Variants in IQSEC1 observed in about 807,000 individuals in gnomAD.
IQSEC1 encodes the protein IQ motif and Sec7 domain ArfGEF 1.
In IQSEC1, 31 loss-of-function variants were observed where a neutral mutation model predicts 91.0. The observed-to-expected ratio is 0.34, with a 90% CI of 0.26 to 0.46. IQSEC1 has a LOEUF of 0.46. Ranked by LOEUF, IQSEC1 falls within the 20% of genes least tolerant of loss-of-function variation. IQSEC1 has a pLI of 1.00. For missense variants in IQSEC1, 1,388 were observed against 1,575.6 expected (o/e 0.88, Z 2.02); for synonymous variants, 699 against 662.6 (o/e 1.05, Z -0.84).
intron 1 of IQSEC1, among the ~76,000 whole-genome samples, chr3:13,189,844 C>T (rs776923917): frequency 1.1e-4 from 16 of 152,312 alleles, no homozygotes; most frequent in Middle Eastern, 3.4e-3. Context: ...GTGAGCTGTC[C>T]CCACACCCCA....
chr3:13,244,217 C>T (rs952715100), intron 1 of IQSEC1, among the ~76,000 whole-genome samples: 1 of 151,936 alleles, frequency 6.6e-6, no homozygotes, highest in Non-Finnish European at 1.5e-5. Context: ...TTTTGAGACA[C>T]AGTCTTGCTC....
Position 12,936,387 on chromosome 3 carries a change from T to A in IQSEC1, c.629A>T (p.Lys210Met), listed in dbSNP as rs1416100544. Residue 210 changes from lysine to methionine, a missense_variant, in exon 3 of 14, where the codon AAG becomes ATG. Lys to Met is a moderately conservative substitution (Grantham distance 95). Around this residue, in one of 2 missense-constraint regions of IQSEC1, gnomAD observed 1,059 missense variants for 1,317.8 expected, o/e 0.80. Transcript: ENST00000613206. Reference sequence around the variant, plus strand: ...AAAGTCACTGGAGGGGGCCGGAGACTTGAGGGTGGTGGGCTCGCTGAGGTC... The same window carrying A: ...AAAGTCACTGGAGGGGGCCGGAGACATGAGGGTGGTGGGCTCGCTGAGGTC... Reference protein sequence around the residue: ...CGDLSEPTTLKSPAPSSDFAD... With the variant: ...CGDLSEPTTLMSPAPSSDFAD... 4 of 1,596,430 alleles carry A rather than the reference T, an allele frequency of 2.5e-6. No homozygotes were observed. The highest frequency in any genetic ancestry group is 3.4e-6 in the Non-Finnish European group (4 of 1,168,808).
At position 12,922,415 on chromosome 3, in the gene IQSEC1, C is replaced by A. The variant is rs1034889313; in HGVS notation, c.1731-173G>T. On this transcript the variant is annotated intron_variant, in intron 4 of 13. Transcript: ENST00000613206. The surrounding 1 kb of genome is among the most constrained non-coding windows in gnomAD (Gnocchi z 5.1). ...AGCCCTCAGAATGCAGCAAAAAGAC[C>A]TCCAGTCTTCTGGGGAGCCCACAAA... is the stretch of plus-strand genomic sequence containing the variant. Among the ~76,000 whole-genome samples, 4 of 152,242 alleles carry A rather than the reference C, an allele frequency of 2.6e-5. No homozygotes were observed. The highest frequency in any genetic ancestry group is 2.0e-4 in the Admixed American group (3 of 15,288).
intron 6 of IQSEC1, among the ~76,000 whole-genome samples, chr3:12,919,354 T>C (rs1014850360): frequency 2.0e-5 from 3 of 152,190 alleles, no homozygotes; most frequent in African/African-American, 7.2e-5. Flanking sequence ...CGCCCCTTCC[T>C]GCCTCCCAAG....
At chr3:13,239,946 G>C (rs548288189) in intron 1 of IQSEC1, among the ~76,000 whole-genome samples, 45 of 152,322 alleles carry the variant, frequency 3.0e-4, no homozygotes, top group African/African-American at 1.1e-3. Flanking sequence ...TTCTGAAACA[G>C]ATGATGGTGA....
At chr3:13,215,672 C>T (rs757654978) in intron 1 of IQSEC1, among the ~76,000 whole-genome samples, 4 of 152,204 alleles carry the variant, frequency 2.6e-5, no homozygotes, top group Non-Finnish European at 5.9e-5. Flanking sequence ...GTTGATGGGG[C>T]CCAGAGAAGG....
intron 1 of IQSEC1, among the ~76,000 whole-genome samples, chr3:13,196,539 GC>G (rs1197980149): frequency 2.0e-5 from 3 of 152,322 alleles, no homozygotes; most frequent in Middle Eastern, 3.4e-3. Context: ...CAGGCTGCTT[GC>G]CCTGCACGTC....
chr3:13,274,598 G>A (rs1235449971), intron 1 of IQSEC1, among the ~76,000 whole-genome samples: 4 of 152,314 alleles, frequency 2.6e-5, no homozygotes, highest in South Asian at 4.1e-4. Context: ...CCTCCCCTGC[G>A]ACCACATGTC....
intron 2 of IQSEC1, among the ~76,000 whole-genome samples, chr3:13,099,978 AG>A (rs1413164618): frequency 2.4e-5 from 3 of 122,654 alleles, no homozygotes; most frequent in Admixed American, 2.3e-4. Flanking sequence ...AGGAGGTCGG[AG>A]GTGACGGGGA....
At chr3:13,209,230 A>G (rs1694400793) in intron 1 of IQSEC1, among the ~76,000 whole-genome samples, 1 of 152,216 alleles carries the variant, frequency 6.6e-6, no homozygotes, top group Non-Finnish European at 1.5e-5. Context: ...AAACCCTCCC[A>G]TTCCCAATTC....
At chr3:13,280,561 G>A (rs374274859) in intron 1 of IQSEC1, among the ~76,000 whole-genome samples, 1 of 152,136 alleles carries the variant, frequency 6.6e-6, no homozygotes, top group Non-Finnish European at 1.5e-5. Flanking sequence ...AATGGGTCCG[G>A]CTGCTCCATC....
intron 1 of IQSEC1, among the ~76,000 whole-genome samples, chr3:13,222,454 T>C (rs1694680123): frequency 6.6e-6 from 1 of 152,220 alleles, no homozygotes; most frequent in Admixed American, 6.5e-5. Context: ...GTTTGAGGCC[T>C]TGCTTTCAAT....
chr3:13,093,782 C>T (rs1229344129), intron 2 of IQSEC1, among the ~76,000 whole-genome samples: 1 of 152,180 alleles, frequency 6.6e-6, no homozygotes, highest in East Asian at 1.9e-4. Flanking sequence ...CCTGAACCTC[C>T]TCCCCACTGT....
At chr3:12,989,411 C>G (rs1701889106) in intron 1 of IQSEC1, among the ~76,000 whole-genome samples, 1 of 152,234 alleles carries the variant, frequency 6.6e-6, no homozygotes, top group African/African-American at 2.4e-5. Flanking sequence ...GATACTGACA[C>G]ACTTTCACAG....
chr3:13,209,635 G>A (rs1694408078), intron 1 of IQSEC1, among the ~76,000 whole-genome samples: 1 of 152,078 alleles, frequency 6.6e-6, no homozygotes, highest in South Asian at 2.1e-4. Context: ...GTGCCCTCTC[G>A]GACCACACTG....
intron 1 of IQSEC1, among the ~76,000 whole-genome samples, chr3:13,247,466 G>A (rs1338757675): frequency 6.6e-6 from 1 of 152,174 alleles, no homozygotes; most frequent in Non-Finnish European, 1.5e-5. Flanking sequence ...GCCCCCCTTG[G>A]GACAAGGACT....
At chr3:13,239,901 G>T (rs1376073077) in intron 1 of IQSEC1, among the ~76,000 whole-genome samples, 1 of 152,220 alleles carries the variant, frequency 6.6e-6, no homozygotes. Context: ...TTAGTGTTGA[G>T]TGGGGACAGG....
chr3:13,079,355 C>T (rs947379753), intron 2 of IQSEC1, among the ~76,000 whole-genome samples: 1 of 152,238 alleles, frequency 6.6e-6, no homozygotes, highest in African/African-American at 2.4e-5. Flanking sequence ...ACAAGGTGAG[C>T]CAAGGCCCCA....
At chr3:13,099,335 A>C (rs360749) in intron 2 of IQSEC1, among the ~76,000 whole-genome samples, 79,138 of 152,122 alleles carry the variant, frequency 0.52, 21,759 homozygotes, top group African/African-American at 0.68. Flanking sequence ...TCGGGTGTGC[A>C]GGATTGCATT....
Sources: allele counts gnomAD v4.1 joint callset (sites outside exome capture counted in the v4.1 genomes callset), GRCh38; gene constraint gnomAD v4.1.1; regional missense constraint gnomAD v4.1.1; non-coding constraint Gnocchi (gnomAD v3.1); transcripts MANE v1.5; gene names NCBI Gene and HGNC (gene_info 2026-07-23, HGNC 2026-07-21).